The following SNX21 variants were observed in gnomAD, a reference collection of about 807,000 sequenced individuals.
SNX21 encodes sorting nexin-21.
SNX21 carries 36 observed loss-of-function variants against 30.9 expected under a neutral mutation model. The observed-to-expected ratio is 1.16, with a 90% CI of 0.89 to 1.54. The LOEUF (loss-of-function observed/expected upper bound fraction) is 1.54. Ranked by LOEUF, SNX21 falls within the 40% of genes most tolerant of loss-of-function variation. The pLI, the probability that SNX21 is intolerant of heterozygous loss-of-function variation, is 0.00. For missense variants in SNX21, 508 were observed against 516.5 expected, an observed-to-expected ratio of 0.98 and a Z score of 0.16; for synonymous variants, 218 against 222.7, an observed-to-expected ratio of 0.98 and a Z score of 0.19.
rs200631954 is a variant in SNX21, at chr20:45,834,265, A to G, written c.86A>G (p.Glu29Gly). 15 of 1,582,690 alleles carry G rather than the reference A, an allele frequency of 9.5e-6. No homozygotes were observed. In the East Asian group the frequency reaches 3.2e-4, roughly 33 times the overall value. ...RHALAGDGPGEAAASPEAEQF... is the reference protein window; with the variant it reads ...RHALAGDGPGGAAASPEAEQF... ...GCCTTGGCCGGCGACGGCCCCGGGG[A>G]GGCGGCGGCCAGTCCAGAGGCCGAG... Residue 29 changes from glutamate (E) to glycine (G), a missense_variant, in exon 2 of 4, where the codon GAG becomes GGG. Glu to Gly is a moderately conservative substitution (Grantham distance 98). Coordinates refer to ENST00000491381, the MANE Select transcript of SNX21 (RefSeq NM_033421.4).
intron 3 of SNX21, among the ~76,000 whole-genome samples, chr20:45,837,465 A>G (rs1431971218): frequency 6.6e-6 from 1 of 152,224 alleles, no homozygotes; most frequent in Non-Finnish European, 1.5e-5. Context: ...ACTGACCAGG[A>G]GTGGCTAGAG....
rs1984249169 is a variant in SNX21, at chr20:45,842,245, A to G, written c.*932A>G. The G allele has an allele frequency of 5.6e-6, 8 of 1,439,728 alleles. No individual in the cohort carries two copies. Among genetic ancestry groups the G allele is most frequent in the South Asian group, 3.0e-5 (2 of 66,896 alleles). The allele number at this position is 1,439,728 out of a possible 1,614,324, so 89.2% of individuals were successfully genotyped here. ...CCAAATGCCCCTTCATGAGCTTATT[A>G]TGGACCGTCATTGAGGGGTAACTCC... On this transcript the variant is annotated 3_prime_UTR_variant, in exon 4 of 4. Transcript: ENST00000491381.
intron 3 of SNX21, among the ~76,000 whole-genome samples, chr20:45,838,535 C>T (rs1983734972): frequency 6.6e-6 from 1 of 151,426 alleles, no homozygotes; most frequent in Non-Finnish European, 1.5e-5. Flanking sequence ...GGGCAGATCA[C>T]CTGAGGTCAG....
In SNX21 at chr20:45,840,965, GGCTCTGGC is replaced by G; in HGVS notation, c.775_782del (p.Ala259ThrfsTer46). On this transcript the variant is annotated frameshift_variant, in exon 4 of 4. Coordinates refer to ENST00000491381, the MANE Select transcript of SNX21 (RefSeq NM_033421.4). LOFTEE classifies it high-confidence loss of function. ...TCACCTGTACTGGCCTCTATCGTGA[GGCTCTGGC>G]ACTCTGGGCCAATGCCTGGCAGCTG... The G allele has an allele frequency of 6.2e-7, 1 of 1,610,758 alleles. No individual in the cohort carries two copies. Among genetic ancestry groups the G allele is most frequent in the Non-Finnish European group, 8.5e-7 (1 of 1,178,928 alleles).
Position 45,834,286 on chromosome 20 carries a change from C to T in SNX21, c.107C>T (p.Ala36Val), listed in dbSNP as rs770407825. The change falls in exon 2 of 4, where the codon GCC becomes GTC. Residue 36 changes from alanine (A) to valine (V), a missense_variant. By Grantham distance (64) the Ala-to-Val change is moderately conservative. Transcript: ENST00000491381. The part of the protein sequence containing the change: ...GPGEAAASPE[A>V]EQFPESSELE... ...GGGGAGGCGGCGGCCAGTCCAGAGG[C>T]CGAGCAGTTTCCGGAGAGCTCAGAG... 8.8e-6 allele frequency: 14 copies of T among 1,591,982 alleles called. No homozygotes were observed. Among genetic ancestry groups the T allele is most frequent in the East Asian group, 2.2e-5 (1 of 44,506 alleles).
At chr20:45,838,876 A>C in intron 3 of SNX21, among the ~76,000 whole-genome samples, 1 of 151,870 alleles carries the variant, frequency 6.6e-6, no homozygotes, top group East Asian at 1.9e-4. Flanking sequence ...AATGGAGATG[A>C]GAAGTGTTAG....
rs991142137 is a variant in SNX21 at position 45,842,276 on chromosome 20, C to T, written c.*963C>T. 27 of 1,429,600 alleles carry T rather than the reference C, an allele frequency of 1.9e-5. No individual in the cohort carries two copies. The highest frequency in any genetic ancestry group is 2.1e-5 in the Non-Finnish European group (23 of 1,097,610). The allele number at this position is 1,429,600 out of a possible 1,614,324, so 88.6% of individuals were successfully genotyped here. On this transcript the variant is annotated 3_prime_UTR_variant, in exon 4 of 4. Transcript: ENST00000491381. ...CGTCATTGAGGGGTAACTCCTCCCA[C>T]AGGAACCCCAGTTGACAGTTTAAAA...
chr20:45,834,445 A>G lies in SNX21; in HGVS notation c.266A>G (p.Asp89Gly), dbSNP rs1254471323. Residue 89 changes from aspartate to glycine, a missense_variant, in exon 2 of 4, where the codon GAT (aspartate) becomes GGT (glycine). By Grantham distance (94) the Asp-to-Gly change is moderately conservative. Transcript: ENST00000491381. ...GGCCCTGACCAGCTGCCCCTCGGGG[A>G]TGGGACGTCAGGAGAAGACGCAGGC... ...EAGPDQLPLG[D>G]GTSGEDAERS... 1.2e-6 allele frequency: 2 copies of G among 1,605,502 alleles called. No individual in the cohort carries two copies. The highest frequency in any genetic ancestry group is 2.7e-5 in the African/African-American group (2 of 74,894).
rs1343369654 is a variant in SNX21, at chr20:45,841,032, C to T, written c.841C>T (p.Arg281Cys). ...GCTGGGCACCCCCTCTGGCCCAGAC[C>T]GCCCCCTGCTGACCCTGGCTGGGCT... The part of the protein sequence containing the change: ...AQLGTPSGPD[R>C]PLLTLAGLAV... The change falls in exon 4 of 4, where the codon CGC (arginine) becomes TGC (cysteine). Residue 281 changes from arginine to cysteine, a missense_variant. Coordinates refer to ENST00000491381, the MANE Select transcript of SNX21 (RefSeq NM_033421.4). 7.5e-6 allele frequency: 12 copies of T among 1,609,494 alleles called. No homozygotes were observed. Among genetic ancestry groups the T allele is most frequent in the Middle Eastern group, 1.7e-4 (1 of 5,924 alleles).
At chr20:45,834,158 C>T (rs1437357493) in intron 1 of SNX21, 43 bp from the exon 2 acceptor site, 2 of 1,447,788 alleles carry the variant, frequency 1.4e-6, no homozygotes, top group African/African-American at 1.5e-5. Flanking sequence ...CTGGGGTACC[C>T]CTCCTCCGGG....
intron 2 of SNX21, 129 bp downstream of exon 2, chr20:45,834,597 C>T: frequency 3.2e-6 from 4 of 1,248,198 alleles, no homozygotes; most frequent in South Asian, 1.6e-5. Flanking sequence ...AGCGCCTGGG[C>T]CACCTCTTGG....
rs780708957 is a variant in SNX21 at position 45,834,216 on chromosome 20, C to G, written c.37C>G (p.Arg13Gly). The change falls in exon 2 of 4, where the codon CGG becomes GGG. Residue 13 changes from arginine (R) to glycine (G), a missense_variant. By Grantham distance (125) the Arg-to-Gly change is moderately radical. Coordinates refer to ENST00000491381, the MANE Select transcript of SNX21 (RefSeq NM_033421.4). ...CTCCCCCCAGGGTGCCATGGCCTCC[C>G]GGCTCCTGCACCGGCTGCGGCACGC... ...RGTQEGAMASRLLHRLRHALA... is the reference protein window; with the variant it reads ...RGTQEGAMASGLLHRLRHALA... 6.5e-6 allele frequency: 10 copies of G among 1,533,870 alleles called. No individual in the cohort carries two copies. The highest frequency in any genetic ancestry group is 7.0e-6 in the Non-Finnish European group (8 of 1,150,158).
intron 3 of SNX21, among the ~76,000 whole-genome samples, chr20:45,839,280 C>T (rs1983803641): frequency 6.6e-6 from 1 of 152,078 alleles, no homozygotes; most frequent in East Asian, 1.9e-4. Context: ...CTCTGGGAGG[C>T]AAAGGCGGGC....
chr20:45,841,567 G>A lies in SNX21; in HGVS notation c.*254G>A, dbSNP rs1163179018. On this transcript the variant is annotated 3_prime_UTR_variant, in exon 4 of 4. Coordinates refer to ENST00000491381, the MANE Select transcript of SNX21 (RefSeq NM_033421.4). ...CCAGCCTATAAACAGCCGGGGGGCT[G>A]TGGCACAGGTTGGGGCAATGTTCCC... 3.6e-6 allele frequency: 5 copies of A among 1,390,990 alleles called. No homozygotes were observed. The highest frequency in any genetic ancestry group is 4.6e-6 in the Non-Finnish European group (5 of 1,080,272). The allele number at this position is 1,390,990 out of a possible 1,614,324, so 86.2% of individuals were successfully genotyped here. A position where few individuals can be genotyped will look rare whatever the true frequency, so the allele number is the denominator to read the frequency against.
chr20:45,838,428 A>G lies in SNX21; in HGVS notation c.448-2211A>G, dbSNP rs189029660. 3.0e-3 allele frequency: 463 copies of G among 151,926 alleles called. 3 individuals carry two copies. The highest frequency in any genetic ancestry group is 8.8e-3 in the South Asian group (42 of 4,768). The allele number at this position is 151,926 out of a possible 1,614,324, so 9.4% of individuals were successfully genotyped here. On this transcript the variant is annotated intron_variant, in intron 3 of 3. Transcript: ENST00000491381. ...AACTTCATAGCACTACCGTACGTGG[A>G]AAGTCTCACTTGCCACCGAGAGAAG...
At position 45,841,683 on chromosome 20, in the gene SNX21, G is replaced by C; in HGVS notation, c.*370G>C. ...CCTGGAGTTAAGGGATGAAGGCAAG[G>C]CTGCAGGTCTGGCCCAGGGGAATTA... On this transcript the variant is annotated 3_prime_UTR_variant, in exon 4 of 4. Coordinates refer to ENST00000491381, the MANE Select transcript of SNX21 (RefSeq NM_033421.4). The C allele has an allele frequency of 7.0e-7, 1 of 1,425,358 alleles. No individual in the cohort carries two copies. The allele number at this position is 1,425,358 out of a possible 1,614,324, so 88.3% of individuals were successfully genotyped here.
In SNX21 at chr20:45,833,830, C is replaced by T. The variant is rs965528221; in HGVS notation, c.-90C>T. 7 of 1,226,892 alleles carry T rather than the reference C, an allele frequency of 5.7e-6. No homozygotes were observed. Among genetic ancestry groups the T allele is most frequent in the South Asian group, 3.3e-5 (1 of 30,192 alleles). 76.0% of individuals were successfully genotyped at this position (1,226,892 alleles called of 1,614,324 possible). A position where few individuals can be genotyped will look rare whatever the true frequency, so the allele number is the denominator to read the frequency against. On this transcript the variant is annotated 5_prime_UTR_variant, in exon 1 of 4. Coordinates refer to ENST00000491381, the MANE Select transcript of SNX21 (RefSeq NM_033421.4). The stretch of plus-strand genomic sequence containing the variant: ...CTGCCCGAGCGGCGCTCTGAGCGGC[C>T]TGAGCCCGGCGGAGCCCTGCAGAAC...
chr20:45,841,427 G>C lies in SNX21; in HGVS notation c.*114G>C. 1 of 1,472,444 alleles carries C rather than the reference G, an allele frequency of 6.8e-7. No homozygotes were observed. Among genetic ancestry groups the C allele is most frequent in the Admixed American group, 2.6e-5 (1 of 38,410 alleles). The allele number at this position is 1,472,444 out of a possible 1,614,324, so 91.2% of individuals were successfully genotyped here. On this transcript the variant is annotated 3_prime_UTR_variant, in exon 4 of 4. Coordinates refer to ENST00000491381, the MANE Select transcript of SNX21 (RefSeq NM_033421.4). The stretch of plus-strand genomic sequence containing the variant: ...CTGCAGAGGGTGCTGGGAGCCCCTA[G>C]AAGTTCCAAAAGAGAATGTGAAGCA...
In SNX21 at chr20:45,841,634, G is replaced by A; in HGVS notation, c.*321G>A. On this transcript the variant is annotated 3_prime_UTR_variant, in exon 4 of 4. Transcript: ENST00000491381. Reference sequence around the variant, plus strand: ...AAGCTGGCAAGGCCTCTTGGCTGAAGGCCAGGGACTCTGCCCCTGGAGTCC... The same window carrying A: ...AAGCTGGCAAGGCCTCTTGGCTGAAAGCCAGGGACTCTGCCCCTGGAGTCC... The A allele has an allele frequency of 7.1e-7, 1 of 1,411,354 alleles. No homozygotes were observed. Among genetic ancestry groups the A allele is most frequent in the Admixed American group, 3.2e-5 (1 of 30,936 alleles). The allele number at this position is 1,411,354 out of a possible 1,614,324, so 87.4% of individuals were successfully genotyped here. A position where few individuals can be genotyped will look rare whatever the true frequency, so the allele number is the denominator to read the frequency against.
Sources: allele counts gnomAD v4.1 joint callset (sites outside exome capture counted in the v4.1 genomes callset), GRCh38; gene constraint gnomAD v4.1.1; transcripts MANE v1.5; gene names NCBI Gene and HGNC (gene_info 2026-07-23, HGNC 2026-07-21).